MEMO1: variants seen among roughly 807,000 people sequenced by gnomAD.
The protein encoded by MEMO1 is mediator of cell motility 1, also known as protein MEMO1.
Under a neutral mutation model 45.2 loss-of-function variants are expected in MEMO1, and 6 were observed. The ratio of observed to expected loss-of-function variants is 0.13; its 90% CI spans 0.07 to 0.26. The LOEUF (loss-of-function observed/expected upper bound fraction) is 0.26. Ranked by LOEUF, MEMO1 falls within the 10% of genes least tolerant of loss-of-function variation. MEMO1 has a pLI of 1.00. For synonymous variants in MEMO1, 78 were observed against 124.3 expected (o/e 0.63, Z 2.48); for missense variants, 184 against 370.5 (o/e 0.50, Z 4.13).
In MEMO1 at chr2:31,894,294, C is replaced by G. The variant is rs531998315; in HGVS notation, c.438-2160G>C. On this transcript the variant is annotated intron_variant, in intron 6 of 9. Coordinates refer to ENST00000404530, the MANE Select transcript of MEMO1 (RefSeq NM_001301833.4). ...GCCTCCATCCCCTACCCTAGCTCCA[C>G]TGAGGTATAAGTTCCATCAAGGAAC... Among the ~76,000 whole-genome samples the G allele has an allele frequency of 1.1e-3, 169 of 152,310 alleles. 5 individuals are homozygous for G. The South Asian group carries it at 0.034, about 30-fold the overall frequency.
At chr2:32,003,248 T>C (rs531519384) in intron 2 of MEMO1, among the ~76,000 whole-genome samples, 11 of 150,474 alleles carry the variant, frequency 7.3e-5, no homozygotes, top group Admixed American at 6.6e-4. Flanking sequence ...TTTAGAAACA[T>C]AGTAGAATTA....
chr2:31,940,684 G>T (rs1241376124), intron 3 of MEMO1, among the ~76,000 whole-genome samples: 1 of 152,260 alleles, frequency 6.6e-6, no homozygotes, highest in East Asian at 1.9e-4. Context: ...TAGGACTACA[G>T]TTGCATCCCA....
At chr2:31,955,126 T>TA (rs544190241) in intron 2 of MEMO1, among the ~76,000 whole-genome samples, 68 of 151,754 alleles carry the variant, frequency 4.5e-4, no homozygotes, top group Non-Finnish European at 9.1e-4. Flanking sequence ...CCTGTAGTAC[T>TA]ACTCCAGGGC....
chr2:31,966,969 TATAGG>T (rs1014167610), intron 2 of MEMO1, among the ~76,000 whole-genome samples: 16 of 152,116 alleles, frequency 1.1e-4, no homozygotes, highest in African/African-American at 3.6e-4. Flanking sequence ...TTTGTATAAA[TATAGG>T]ATAATACAGG....
At chr2:31,961,354 CA>C (rs543917028) in intron 2 of MEMO1, among the ~76,000 whole-genome samples, 2 of 149,206 alleles carry the variant, frequency 1.3e-5, no homozygotes, top group South Asian at 2.1e-4. Context: ...AAGGCTCCAT[CA>C]AAAAAAAAGA....
Position 31,935,045 on chromosome 2 carries a change from A to G in MEMO1, c.144-2910T>C, listed in dbSNP as rs138673941. ...ACTTCCTATGTATCAGGCATCTTCT[A>G]TGTACTTCAAAGTATTAAATCATGT... On this transcript the variant is annotated intron_variant, in intron 3 of 9. Coordinates refer to ENST00000404530, the MANE Select transcript of MEMO1 (RefSeq NM_001301833.4). Among the ~76,000 whole-genome samples, 1,039 of 152,320 alleles carry G rather than the reference A, an allele frequency of 6.8e-3. 5 individuals are homozygous for G. The highest frequency in any genetic ancestry group is 0.012 in the Non-Finnish European group (794 of 68,022).
At chr2:32,009,826 G>A (rs914319882) in intron 2 of MEMO1, among the ~76,000 whole-genome samples, 6 of 152,108 alleles carry the variant, frequency 3.9e-5, no homozygotes, top group Non-Finnish European at 8.8e-5. Flanking sequence ...CCGGCCGCAC[G>A]CTTCCTGCAA....
intron 6 of MEMO1, among the ~76,000 whole-genome samples, chr2:31,897,920 G>C (rs569611071): frequency 2.6e-5 from 4 of 151,940 alleles, no homozygotes; most frequent in African/African-American, 9.6e-5. Context: ...TCAGGGATTT[G>C]ACTTCTTCCT....
chr2:31,961,747 C>T (rs1668033499), intron 2 of MEMO1, among the ~76,000 whole-genome samples: 1 of 151,600 alleles, frequency 6.6e-6, no homozygotes, highest in East Asian at 1.9e-4. Context: ...TACTATACTG[C>T]AGCCTGGGTG....
chr2:31,975,385 G>T (rs879701361), intron 2 of MEMO1, among the ~76,000 whole-genome samples: 1 of 152,090 alleles, frequency 6.6e-6, no homozygotes, highest in African/African-American at 2.4e-5. Flanking sequence ...TCTTTGTGAC[G>T]GTCAGAGGAG....
At chr2:31,915,293 G>C (rs1283148298) in intron 6 of MEMO1, among the ~76,000 whole-genome samples, 3 of 152,172 alleles carry the variant, frequency 2.0e-5, no homozygotes, top group Non-Finnish European at 4.4e-5. Context: ...ACATGTTAAA[G>C]AGACATGAAT....
At chr2:31,996,204 G>A (rs752183228) in intron 2 of MEMO1, among the ~76,000 whole-genome samples, 1 of 151,572 alleles carries the variant, frequency 6.6e-6, no homozygotes, top group Admixed American at 6.6e-5. Context: ...GAGAGACAGA[G>A]GGGGAGAGAG....
chr2:31,973,524 C>G (rs1052694240), intron 2 of MEMO1, among the ~76,000 whole-genome samples: 2 of 151,972 alleles, frequency 1.3e-5, no homozygotes, highest in African/African-American at 4.8e-5. Flanking sequence ...ATACTGATGG[C>G]AGCACTATTC....
intron 6 of MEMO1, among the ~76,000 whole-genome samples, chr2:31,896,165 G>T (rs567938331): frequency 1.1e-3 from 163 of 152,192 alleles, no homozygotes; most frequent in African/African-American, 3.6e-3. Flanking sequence ...TGAAAGCAGC[G>T]AGAAGAAAAT....
chr2:31,927,139 G>A (rs544413216), intron 4 of MEMO1, among the ~76,000 whole-genome samples: 2 of 152,182 alleles, frequency 1.3e-5, no homozygotes, highest in African/African-American at 4.8e-5. Flanking sequence ...GACCATCCTG[G>A]CCAACATGGT....
intron 6 of MEMO1, among the ~76,000 whole-genome samples, chr2:31,914,349 G>A (rs1363047156): frequency 6.6e-6 from 1 of 152,164 alleles, no homozygotes; most frequent in Non-Finnish European, 1.5e-5. Context: ...CCAGAGGCTG[G>A]GAAGAATAGT....
chr2:31,994,526 A>G lies in MEMO1; in HGVS notation c.61+15661T>C, dbSNP rs137920436. Among the ~76,000 whole-genome samples the G allele has an allele frequency of 2.7e-4, 41 of 151,812 alleles. No homozygotes were observed. The East Asian group carries it at 8.1e-3, about 30-fold the overall frequency. Reference sequence around the variant, plus strand: ...GTGTCTGCAGTCCCGGCTACTCAGGAGGCTGAGGCACAAGACATCACTTGA... The same window carrying G: ...GTGTCTGCAGTCCCGGCTACTCAGGGGGCTGAGGCACAAGACATCACTTGA... On this transcript the variant is annotated intron_variant, in intron 2 of 9. Transcript: ENST00000404530.
intron 2 of MEMO1, among the ~76,000 whole-genome samples, chr2:31,958,063 T>G (rs1572809375): frequency 6.6e-6 from 1 of 152,034 alleles, no homozygotes; most frequent in Admixed American, 6.6e-5. Context: ...TGATGGGAAA[T>G]GGGCATGCCA....
chr2:31,933,348 A>ATATATATATAT (rs869203385), intron 3 of MEMO1, among the ~76,000 whole-genome samples: 1 of 16,176 alleles, frequency 6.2e-5, no homozygotes, highest in African/African-American at 2.4e-4. Flanking sequence ...AAAAAAAAAA[A>ATATATATATAT]ATTTATATAT....
Sources: gnomAD v4.1 joint callset for allele counts (sites outside exome capture counted in the v4.1 genomes callset) on GRCh38, gnomAD v4.1.1 for gene constraint, MANE v1.5 for transcripts, NCBI Gene and HGNC (gene_info 2026-07-23, HGNC 2026-07-21) for gene names.